Variants in DCX observed in about 807,000 individuals in gnomAD.
DCX encodes doublecortin.
In DCX, 4 loss-of-function variants were observed where a neutral mutation model predicts 20.9. That is an observed-to-expected ratio of 0.19 (90% CI 0.09 to 0.44). DCX has a LOEUF of 0.44. Ranked by LOEUF, DCX falls within the 20% of genes least tolerant of loss-of-function variation. DCX has a pLI of 0.99. For missense variants in DCX, 133 were observed against 296.9 expected (o/e 0.45, Z 4.06); for synonymous variants, 103 against 111.4 (o/e 0.92, Z 0.47).
chrX:111,363,842 A>G (rs1179588358), intron 3 of DCX, among the ~76,000 whole-genome samples: 1 of 111,708 alleles, frequency 9.0e-6, no homozygotes, highest in Non-Finnish European at 1.9e-5. Flanking sequence ...TAGACAACAG[A>G]TGTTCTCAAT....
intron 4 of DCX, among the ~76,000 whole-genome samples, chrX:111,331,946 T>C (rs1413350376): frequency 8.9e-6 from 1 of 112,910 alleles, no homozygotes; most frequent in African/African-American, 3.2e-5. Context: ...TAGTGCTCTT[T>C]CTACTACAGT....
chrX:111,369,224 A>C (rs1924880400), intron 3 of DCX, among the ~76,000 whole-genome samples: 2 of 110,907 alleles, frequency 1.8e-5, no homozygotes, highest in Admixed American at 9.6e-5. Context: ...CCACTGACTC[A>C]AATGTTAATC....
intron 5 of DCX, among the ~76,000 whole-genome samples, chrX:111,316,120 T>A (rs778666674): frequency 2.1e-3 from 206 of 98,597 alleles, no homozygotes; most frequent in African/African-American, 7.2e-3. Flanking sequence ...ATGTTAAGGG[T>A]CATCTACAAC....
At chrX:111,385,345 T>C (rs1240570250) in intron 3 of DCX, among the ~76,000 whole-genome samples, 1 of 112,127 alleles carries the variant, frequency 8.9e-6, no homozygotes, top group Non-Finnish European at 1.9e-5. Flanking sequence ...TGATTTATTG[T>C]ATTTTGACTA....
intron 5 of DCX, among the ~76,000 whole-genome samples, chrX:111,328,164 C>T (rs2095103862): frequency 9.0e-6 from 1 of 111,641 alleles, no homozygotes; most frequent in Non-Finnish European, 1.9e-5. Context: ...AAATTGGTTA[C>T]TCTGTTTATC....
intron 5 of DCX, among the ~76,000 whole-genome samples, chrX:111,313,283 T>C (rs1411801435): frequency 9.1e-6 from 1 of 110,400 alleles, no homozygotes; most frequent in African/African-American, 3.3e-5. Flanking sequence ...CCTACCTCAT[T>C]CTGCATGTGT....
Position 111,324,412 on chromosome X carries a change from T to C in DCX, c.946+6492A>G, listed in dbSNP as rs748095522. 3.6e-5 allele frequency among the ~76,000 whole-genome samples: 4 copies of C among 112,263 alleles called. No individual in the cohort carries two copies. The East Asian group carries it at 1.1e-3, about 32-fold the overall frequency. On this transcript the variant is annotated intron_variant, in intron 5 of 6. Coordinates refer to ENST00000636035, the MANE Select transcript of DCX (RefSeq NM_001195553.2). ...TAATACTTACTACCAGTATCTATTATGCATTTTGCATTTAAATAAGTTATT... is the reference window on the plus strand; with the variant it reads ...TAATACTTACTACCAGTATCTATTACGCATTTTGCATTTAAATAAGTTATT...
rs111957035 is a variant in DCX, at chrX:111,301,414, G to A, written c.*273C>T. ...AGGCACCTAAGCTTTCCATTGAAAG[G>A]TCATGGACTAGCACATTTTGCATCC... On this transcript the variant is annotated 3_prime_UTR_variant, in exon 7 of 7. Transcript: ENST00000636035. 1.8e-3 allele frequency: 737 copies of A among 402,534 alleles called. 2 individuals are homozygous for A. Among genetic ancestry groups the A allele is most frequent in the African/African-American group, 0.016 (652 of 39,661 alleles). The allele number at this position is 402,534 out of a possible 1,213,427, so 33.2% of individuals were successfully genotyped here.
At chrX:111,345,961 T>G (rs980974660) in intron 3 of DCX, among the ~76,000 whole-genome samples, 6 of 111,117 alleles carry the variant, frequency 5.4e-5, no homozygotes, top group African/African-American at 2.0e-4. Flanking sequence ...TAGCAACTCG[T>G]TGTGGTTTTG....
chrX:111,361,878 T>C (rs971685474), intron 3 of DCX, among the ~76,000 whole-genome samples: 4 of 112,027 alleles, frequency 3.6e-5, no homozygotes, highest in African/African-American at 9.7e-5. Flanking sequence ...TCCTGAGTTA[T>C]GGGATTAGCA....
At chrX:111,341,397 G>C (rs192935441) in intron 3 of DCX, among the ~76,000 whole-genome samples, 363 of 111,001 alleles carry the variant, frequency 3.3e-3, no homozygotes, top group Non-Finnish European at 4.3e-3. Flanking sequence ...ACCTACGATT[G>C]ATTGCAGTAC....
chrX:111,355,720 G>A (rs1923680235), intron 3 of DCX, among the ~76,000 whole-genome samples: 1 of 111,479 alleles, frequency 9.0e-6, no homozygotes, highest in Non-Finnish European at 1.9e-5. Context: ...AAGGGGAAAG[G>A]AAGACAGACA....
Position 111,358,175 on chromosome X carries a change from C to CA in DCX, c.706-25023dup, listed in dbSNP as rs779014420. Among the ~76,000 whole-genome samples, 5 of 111,938 alleles carry CA rather than the reference C, an allele frequency of 4.5e-5. No homozygotes were observed. In the South Asian group the frequency reaches 1.1e-3, roughly 26 times the overall value. ...TTTCATTTCTAAAAAGATTCCATTG[C>CA]AAAAAACAATTTTAAACCATTTAGC... On this transcript the variant is annotated intron_variant, in intron 3 of 6. Transcript: ENST00000636035.
At chrX:111,387,150 AGG>A (rs1926583532) in intron 3 of DCX, among the ~76,000 whole-genome samples, 1 of 112,066 alleles carries the variant, frequency 8.9e-6, no homozygotes, top group Admixed American at 9.5e-5. Flanking sequence ...CTGTATATCC[AGG>A]GCTGATTATC....
At chrX:111,318,556 C>T (rs908965689) in intron 5 of DCX, among the ~76,000 whole-genome samples, 2 of 110,508 alleles carry the variant, frequency 1.8e-5, no homozygotes, top group Non-Finnish European at 3.8e-5. Flanking sequence ...AAATTCCCAT[C>T]AATGATAGAC....
chrX:111,345,775 G>A lies in DCX; in HGVS notation c.706-12622C>T, dbSNP rs979017982. ...TATATACCCAGTAATGGGATTGCTG[G>A]GTCAAATGGTATTTCTAGTTGTAGA... On this transcript the variant is annotated intron_variant, in intron 3 of 6. Coordinates refer to ENST00000636035, the MANE Select transcript of DCX (RefSeq NM_001195553.2). Among the ~76,000 whole-genome samples, 3 of 111,734 alleles carry A rather than the reference G, an allele frequency of 2.7e-5. No individual in the cohort carries two copies. The Admixed American group carries it at 2.8e-4, about 11-fold the overall frequency.
At chrX:111,326,957 C>CATATAG (rs1405534796) in intron 5 of DCX, among the ~76,000 whole-genome samples, 4 of 111,632 alleles carry the variant, frequency 3.6e-5, no homozygotes, top group East Asian at 2.8e-4. Flanking sequence ...TGAATTTGAC[C>CATATAG]ATATAGATAT....
intron 3 of DCX, among the ~76,000 whole-genome samples, chrX:111,381,759 G>A (rs896616159): frequency 1.8e-5 from 2 of 111,312 alleles, no homozygotes; most frequent in Non-Finnish European, 3.8e-5. Flanking sequence ...ACTCACTTAC[G>A]CTGAATATTA....
chrX:111,373,368 G>A (rs188439133), intron 3 of DCX, among the ~76,000 whole-genome samples: 7 of 112,145 alleles, frequency 6.2e-5, no homozygotes, highest in Non-Finnish European at 1.3e-4. Flanking sequence ...AGATATTTGT[G>A]TGAATATTGA....
Sources: gnomAD v4.1 joint callset for allele counts (sites outside exome capture counted in the v4.1 genomes callset) on GRCh38, gnomAD v4.1.1 for gene constraint, MANE v1.5 for transcripts, NCBI Gene and HGNC (gene_info 2026-07-23, HGNC 2026-07-21) for gene names.